The following RBM18 variants were observed in gnomAD, a reference collection of about 807,000 sequenced individuals.
RBM18 encodes the protein RNA binding motif protein 18, also known as probable RNA-binding protein 18.
A neutral mutation model predicts 26.4 loss-of-function variants in RBM18; 18 were observed. The observed-to-expected ratio is 0.68, with a 90% CI of 0.47 to 1.01. The LOEUF (loss-of-function observed/expected upper bound fraction) is 1.01. Among genes scored for constraint, RBM18 ranks in the 50% least tolerant of loss-of-function variants. The pLI, the probability that RBM18 is intolerant of heterozygous loss-of-function variation, is 0.00. For missense variants in RBM18, 180 were observed against 219.2 expected (o/e 0.82, Z 1.13); for synonymous variants, 74 against 81.1 (o/e 0.91, Z 0.47).
chr9:122,247,870 C>T (rs955353781), intron 3 of RBM18, among the ~76,000 whole-genome samples: 4 of 149,682 alleles, frequency 2.7e-5, no homozygotes, highest in South Asian at 2.1e-4. Flanking sequence ...CTGCAATCTC[C>T]GCCTCCCAGG....
At chr9:122,255,779 G>A (rs1831684763) in intron 2 of RBM18, among the ~76,000 whole-genome samples, 1 of 152,140 alleles carries the variant, frequency 6.6e-6, no homozygotes, top group Non-Finnish European at 1.5e-5. Flanking sequence ...GCATATCGAT[G>A]TAAAATTTCT....
chr9:122,254,698 C>T (rs1831661280), intron 2 of RBM18, among the ~76,000 whole-genome samples: 1 of 152,178 alleles, frequency 6.6e-6, no homozygotes, highest in South Asian at 2.1e-4. Context: ...AAAATAGATA[C>T]CTACAATGTG....
At chr9:122,248,030 C>T (rs1831533489) in intron 3 of RBM18, among the ~76,000 whole-genome samples, 2 of 152,032 alleles carry the variant, frequency 1.3e-5, no homozygotes, top group African/African-American at 4.8e-5. Context: ...TAATGATCCG[C>T]CCCCTCGGCT....
At chr9:122,251,998 G>C in intron 2 of RBM18, 25 bp from the exon 3 acceptor site, 1 of 1,612,598 alleles carries the variant, frequency 6.2e-7, no homozygotes, top group East Asian at 2.2e-5. Context: ...GAGTCCATGA[G>C]TATGCTCTGG....
chr9:122,240,597 G>A lies in RBM18; in HGVS notation c.*1287C>T, dbSNP rs1643321850. On this transcript the variant is annotated 3_prime_UTR_variant, in exon 6 of 6. Coordinates refer to ENST00000417201, the MANE Select transcript of RBM18 (RefSeq NM_033117.4). ...GGAGTAACAAAGTGATACATACCTG[G>A]TAAAGGAGCAAAGGTGCTGCCCAAT... The A allele has an allele frequency of 6.6e-6, 1 of 152,156 alleles. No homozygotes were observed. Among genetic ancestry groups the A allele is most frequent in the Non-Finnish European group, 1.5e-5 (1 of 68,030 alleles). 9.4% of individuals were successfully genotyped at this position (152,156 alleles called of 1,614,324 possible).
chr9:122,251,292 A>G (rs1040688577), intron 3 of RBM18, among the ~76,000 whole-genome samples: 3 of 152,196 alleles, frequency 2.0e-5, no homozygotes, highest in Admixed American at 2.0e-4. Context: ...GTAACAATCA[A>G]ATTCAATTTC....
rs939427768 is a variant in RBM18 at position 122,239,357 on chromosome 9, C to G, written c.*2527G>C. The stretch of plus-strand genomic sequence containing the variant: ...AGCTGACATGCTTTGAAAAATCTTT[C>G]CTCATGTGATACTCCTCCCCAGTAC... On this transcript the variant is annotated 3_prime_UTR_variant, in exon 6 of 6. Transcript: ENST00000417201. 1 of 152,084 alleles carries G rather than the reference C, an allele frequency of 6.6e-6. No homozygotes were observed. The highest frequency in any genetic ancestry group is 2.4e-5 in the African/African-American group (1 of 41,424). 9.4% of individuals were successfully genotyped at this position (152,084 alleles called of 1,614,324 possible).
chr9:122,258,850 C>A lies in RBM18; in HGVS notation c.113+2530G>T, dbSNP rs75526781. On this transcript the variant is annotated intron_variant, in intron 2 of 5. Transcript: ENST00000417201. ...CTGTAGTCCCAGCTACCCAGGAGTT[C>A]TAGGTTGCCATGAGCTATGATTGTG... is the stretch of plus-strand genomic sequence containing the variant. Among the ~76,000 whole-genome samples, 580 of 136,456 alleles carry A rather than the reference C, an allele frequency of 4.3e-3. 2 individuals are homozygous for A. Among genetic ancestry groups the A allele is most frequent in the Admixed American group, 9.4e-3 (114 of 12,184 alleles). The allele number at this position is 136,456 out of a possible 152,430, so 89.5% of individuals were successfully genotyped here.
rs1022913508 is a variant in RBM18 at position 122,243,890 on chromosome 9, A to C, written c.413+1366T>G. 5.1e-6 allele frequency: 5 copies of C among 983,966 alleles called. No individual in the cohort carries two copies. The African/African-American group carries it at 8.7e-5, about 17-fold the overall frequency. The allele number at this position is 983,966 out of a possible 1,614,324, so 61.0% of individuals were successfully genotyped here. ...TCCTCTGGATAAAAAAATAGATGGA[A>C]AACCCTAGGCTATCTTGTAAACAAG... On this transcript the variant is annotated intron_variant, in intron 5 of 5. Transcript: ENST00000417201.
intron 2 of RBM18, among the ~76,000 whole-genome samples, chr9:122,260,090 T>C (rs1190097764): frequency 1.3e-5 from 2 of 152,110 alleles, no homozygotes; most frequent in African/African-American, 2.4e-5. Context: ...CTTAAGTCTG[T>C]AATCCCAGCA....
chr9:122,254,457 G>A (rs184449028), intron 2 of RBM18: 1 of 183,568 alleles, frequency 5.4e-6, no homozygotes, highest in East Asian at 1.9e-4. Flanking sequence ...GAAGGATCTT[G>A]CTTTCACATC....
intron 3 of RBM18, among the ~76,000 whole-genome samples, chr9:122,251,390 T>G (rs777178369): frequency 6.6e-6 from 1 of 152,204 alleles, no homozygotes; most frequent in African/African-American, 2.4e-5. Context: ...TGCGCTCTTC[T>G]ACATACATTA....
At chr9:122,252,069 G>A in intron 2 of RBM18, 96 bp from the exon 3 acceptor site, 1 of 1,521,102 alleles carries the variant, frequency 6.6e-7, no homozygotes, top group African/African-American at 1.4e-5. Flanking sequence ...TTTACCCCAG[G>A]GATGAAATCT....
chr9:122,255,587 C>T (rs10122904), intron 2 of RBM18, among the ~76,000 whole-genome samples: 2,712 of 152,250 alleles, frequency 0.018, 29 homozygotes, highest in African/African-American at 0.021. Flanking sequence ...TTATATTCCT[C>T]AGGCAAGAAA....
intron 2 of RBM18, among the ~76,000 whole-genome samples, chr9:122,258,900 A>G (rs1831740949): frequency 8.1e-6 from 1 of 123,934 alleles, no homozygotes; most frequent in Non-Finnish European, 1.7e-5. Context: ...CCTGGGTGAC[A>G]GAGCTGTCAA....
At chr9:122,250,352 T>C (rs1048076675) in intron 3 of RBM18, among the ~76,000 whole-genome samples, 1 of 152,224 alleles carries the variant, frequency 6.6e-6, no homozygotes, top group African/African-American at 2.4e-5. Context: ...GTGGCAGATA[T>C]ACATAATTAG....
At chr9:122,251,772 G>T in intron 3 of RBM18, 75 bp downstream of exon 3, 2 of 1,413,328 alleles carry the variant, frequency 1.4e-6, no homozygotes, top group Non-Finnish European at 2.0e-6. Context: ...TGCTATTCTA[G>T]TAGGCAAGAG....
intron 2 of RBM18, among the ~76,000 whole-genome samples, chr9:122,260,018 A>G (rs1831761700): frequency 6.6e-6 from 1 of 152,102 alleles, no homozygotes; most frequent in Non-Finnish European, 1.5e-5. Flanking sequence ...ACACTATTCT[A>G]AAGGGAGTAA....
At chr9:122,250,875 A>AT (rs1425250339) in intron 3 of RBM18, among the ~76,000 whole-genome samples, 1 of 148,814 alleles carries the variant, frequency 6.7e-6, no homozygotes, top group African/African-American at 2.5e-5. Context: ...TCACACATTA[A>AT]TTTTATAATA....
Sources: gnomAD v4.1 joint callset for allele counts (sites outside exome capture counted in the v4.1 genomes callset) on GRCh38, gnomAD v4.1.1 for gene constraint, MANE v1.5 for transcripts, NCBI Gene and HGNC (gene_info 2026-07-23, HGNC 2026-07-21) for gene names.